Variants in ARMH4 observed in about 807,000 individuals in gnomAD.
ARMH4 encodes armadillo-like helical domain-containing protein 4.
ARMH4 carries 49 observed loss-of-function variants against 61.9 expected under a neutral mutation model. The observed-to-expected ratio is 0.79, with a 90% confidence interval of 0.63 to 1.00. The LOEUF (loss-of-function observed/expected upper bound fraction) is 1.00. ARMH4 is among the 50% of genes least tolerant of loss of function. ARMH4 has a pLI of 0.00. For synonymous variants in ARMH4, 368 were observed against 341.5 expected, an observed-to-expected ratio of 1.08 and a Z score of -0.85; for missense variants, 934 against 930.0, an observed-to-expected ratio of 1.00 and a Z score of -0.06.
chr14:58,090,953 T>C (rs1885540880), intron 5 of ARMH4, among the ~76,000 whole-genome samples: 1 of 151,168 alleles, frequency 6.6e-6, no homozygotes, highest in African/African-American at 2.4e-5. Context: ...CAGTAGCTCA[T>C]GCCTGTAATC....
intron 5 of ARMH4, among the ~76,000 whole-genome samples, chr14:58,092,822 T>G (rs1200075255): frequency 2.2e-5 from 1 of 45,186 alleles, no homozygotes; most frequent in African/African-American, 7.5e-5. Flanking sequence ...TCCCTTTTTG[T>G]TTTTTTTTTT....
chr14:58,119,565 T>G (rs910466002), intron 4 of ARMH4, among the ~76,000 whole-genome samples: 1 of 152,218 alleles, frequency 6.6e-6, no homozygotes, highest in Non-Finnish European at 1.5e-5. Flanking sequence ...TGGAAAGCCC[T>G]GCTTGGACCA....
At chr14:58,119,302 T>C (rs1886640200) in intron 4 of ARMH4, among the ~76,000 whole-genome samples, 1 of 152,234 alleles carries the variant, frequency 6.6e-6, no homozygotes, top group African/African-American at 2.4e-5. Flanking sequence ...TGATAAAGTG[T>C]AGTTGATACT....
At chr14:58,055,589 C>T (rs566091586) in intron 5 of ARMH4, among the ~76,000 whole-genome samples, 1 of 152,278 alleles carries the variant, frequency 6.6e-6, no homozygotes, top group African/African-American at 2.4e-5. Flanking sequence ...TCCTTACATC[C>T]TTGCTCAAAG....
At position 58,004,625 on chromosome 14, in the gene ARMH4, C is replaced by T; in HGVS notation, c.*111G>A. 1 of 906,640 alleles carries T rather than the reference C, an allele frequency of 1.1e-6. No homozygotes were observed. 56.2% of individuals were successfully genotyped at this position (906,640 alleles called of 1,614,324 possible). A position where few individuals can be genotyped will look rare whatever the true frequency, so the allele number is the denominator to read the frequency against. The stretch of plus-strand genomic sequence containing the variant: ...ACCCAGCACCCAGCAGACACTAGGA[C>T]TAACGGCCTGATAGCAGCAATGTGG... On this transcript the variant is annotated 3_prime_UTR_variant, in exon 8 of 8. Coordinates refer to ENST00000267485, the MANE Select transcript of ARMH4 (RefSeq NM_001001872.4).
At chr14:58,042,523 C>T (rs1165604947) in intron 5 of ARMH4, among the ~76,000 whole-genome samples, 2 of 152,016 alleles carry the variant, frequency 1.3e-5, no homozygotes, top group Non-Finnish European at 2.9e-5. Flanking sequence ...GACACCCTAA[C>T]ATCACAATTA....
intron 2 of ARMH4, among the ~76,000 whole-genome samples, chr14:58,136,168 G>T (rs1300596908): frequency 6.6e-6 from 1 of 152,088 alleles, no homozygotes. Flanking sequence ...AAAAGTAGTG[G>T]CCTTTTAAAA....
intron 4 of ARMH4, among the ~76,000 whole-genome samples, chr14:58,098,276 T>A (rs1885829666): frequency 6.6e-6 from 1 of 152,230 alleles, no homozygotes; most frequent in South Asian, 2.1e-4. Context: ...TTCTTATATG[T>A]CCTTTAACTT....
intron 5 of ARMH4, among the ~76,000 whole-genome samples, chr14:58,071,180 G>A (rs1310297439): frequency 6.7e-6 from 1 of 149,974 alleles, no homozygotes; most frequent in Non-Finnish European, 1.5e-5. Context: ...CAATAGTACG[G>A]GTAATAATTA....
At chr14:58,111,045 C>T (rs970852397) in intron 4 of ARMH4, among the ~76,000 whole-genome samples, 9 of 152,152 alleles carry the variant, frequency 5.9e-5, no homozygotes, top group South Asian at 2.1e-4. Context: ...TGAGCCACCA[C>T]GCCCAGCCAG....
At chr14:58,086,412 T>A (rs992936898) in intron 5 of ARMH4, among the ~76,000 whole-genome samples, 2 of 152,192 alleles carry the variant, frequency 1.3e-5, no homozygotes. Flanking sequence ...TTGGAGTAAG[T>A]AGAACCAGCA....
At chr14:58,134,839 C>A (rs1021850984) in intron 2 of ARMH4, among the ~76,000 whole-genome samples, 7 of 151,770 alleles carry the variant, frequency 4.6e-5, no homozygotes, top group African/African-American at 1.7e-4. Flanking sequence ...TTCCTGTCAT[C>A]CCAGCCACCC....
At chr14:58,043,988 T>G (rs1883826774) in intron 5 of ARMH4, among the ~76,000 whole-genome samples, 1 of 152,182 alleles carries the variant, frequency 6.6e-6, no homozygotes, top group Non-Finnish European at 1.5e-5. Context: ...TGGAAGAACA[T>G]TCCATGCTCA....
Position 58,138,322 on chromosome 14 carries a change from G to T in ARMH4, c.1037C>A (p.Ala346Glu). Residue 346 changes from alanine (A) to glutamate (E), a missense_variant, in exon 2 of 8, where the codon GCA becomes GAA. By Grantham distance (107) the Ala-to-Glu change is moderately radical. Transcript: ENST00000267485. The stretch of plus-strand genomic sequence containing the variant: ...TTCCATACCCTCATGGCTTACTTGT[G>T]CTGTCTGAGACATCTCCGTTCTCAC... The part of the protein sequence containing the change: ...TQVRTEMSQT[A>E]QVSHEGMEGG... 2 of 1,614,214 alleles carry T rather than the reference G, an allele frequency of 1.2e-6. No homozygotes were observed. Among genetic ancestry groups the T allele is most frequent in the South Asian group, 2.2e-5 (2 of 91,080 alleles).
intron 4 of ARMH4, among the ~76,000 whole-genome samples, chr14:58,098,775 C>CT (rs5808958): frequency 0.11 from 15,238 of 143,734 alleles, 1,309 homozygotes; most frequent in African/African-American, 0.24. Context: ...CCAGATCTGA[C>CT]TTTTTTTTTT....
chr14:58,099,299 C>T (rs1277476954), intron 4 of ARMH4, among the ~76,000 whole-genome samples: 1 of 152,144 alleles, frequency 6.6e-6, no homozygotes, highest in Non-Finnish European at 1.5e-5. Context: ...ATGGTCCAGA[C>T]CACATTCCCG....
chr14:58,131,832 C>T, intron 3 of ARMH4, 111 bp from the exon 4 acceptor site: 4 of 1,023,942 alleles, frequency 3.9e-6, no homozygotes, highest in Non-Finnish European at 5.8e-6. Flanking sequence ...TCATACAATA[C>T]AGCAAGTTTG....
chr14:58,024,213 T>A (rs1261054144), intron 5 of ARMH4, among the ~76,000 whole-genome samples: 2 of 152,258 alleles, frequency 1.3e-5, no homozygotes, highest in East Asian at 1.9e-4. Flanking sequence ...GATTGTTTCA[T>A]CTGCAATGAA....
chr14:58,006,883 C>T (rs563240268), intron 6 of ARMH4, among the ~76,000 whole-genome samples: 1 of 152,034 alleles, frequency 6.6e-6, no homozygotes, highest in Non-Finnish European at 1.5e-5. Flanking sequence ...ACGTTGTGCA[C>T]CTGTACCCTA....
Sources: gnomAD v4.1 joint callset for allele counts (sites outside exome capture counted in the v4.1 genomes callset) on GRCh38, gnomAD v4.1.1 for gene constraint, MANE v1.5 for transcripts, NCBI Gene and HGNC (gene_info 2026-07-23, HGNC 2026-07-21) for gene names.